The following AK7 variants were observed in gnomAD, a reference collection of about 807,000 sequenced individuals.
AK7 encodes ATP-AMP transphosphorylase 7.
A neutral mutation model predicts 96.6 loss-of-function variants in AK7; 78 were observed. The observed-to-expected ratio is 0.81, with a 90% confidence interval of 0.67 to 0.97. The LOEUF is 0.97. Ranked by LOEUF, AK7 falls within the 50% of genes least tolerant of loss-of-function variation. The pLI, the probability that AK7 is intolerant of heterozygous loss-of-function variation, is 0.00. For synonymous variants in AK7, 302 were observed against 317.2 expected (o/e 0.95, Z 0.51); for missense variants, 855 against 887.9 (o/e 0.96, Z 0.47).
At chr14:96,453,422 G>A (rs140811407) in intron 10 of AK7, among the ~76,000 whole-genome samples, 201 of 152,332 alleles carry the variant, frequency 1.3e-3, no homozygotes, top group African/African-American at 4.7e-3. Context: ...GTCCCTAGGG[G>A]CAGTTAGCCA....
chr14:96,395,837 G>C (rs141389735), intron 1 of AK7, among the ~76,000 whole-genome samples: 272 of 87,738 alleles, frequency 3.1e-3, no homozygotes, highest in African/African-American at 0.012. Context: ...TTTTGAGACA[G>C]AGTCTTGCTC....
rs563398499 is a variant in AK7, at chr14:96,420,846, G to A, written c.523G>A (p.Glu175Lys). 1 of 1,612,942 alleles carries A rather than the reference G, an allele frequency of 6.2e-7. No individual in the cohort carries two copies. Among genetic ancestry groups the A allele is most frequent in the African/African-American group, 1.3e-5 (1 of 74,996 alleles). ...DPEDSEVPFT[E>K]EDYRRRKSHP... ...GGAGGATTCTGAGGTTCCATTCACT[G>A]AAGAAGATTATCGAAGAAGAAAGTC... The change falls in exon 5 of 18, where the codon GAA becomes AAA. Residue 175 changes from glutamate to lysine, a missense_variant. By Grantham distance (56) the Glu-to-Lys change is moderately conservative. Coordinates refer to ENST00000267584, the MANE Select transcript of AK7 (RefSeq NM_152327.5).
At chr14:96,417,858 G>A (rs763819903) in intron 4 of AK7, among the ~76,000 whole-genome samples, 1 of 152,084 alleles carries the variant, frequency 6.6e-6, no homozygotes, top group Non-Finnish European at 1.5e-5. Context: ...GTGATATATC[G>A]AGTTAAAAAT....
intron 12 of AK7, among the ~76,000 whole-genome samples, chr14:96,464,716 C>T (rs1431188605): frequency 2.0e-5 from 3 of 150,948 alleles, no homozygotes; most frequent in Non-Finnish European, 4.4e-5. Flanking sequence ...GTACTATTAT[C>T]TTTAAAGCAA....
At chr14:96,445,695 A>G (rs544179120) in intron 7 of AK7, among the ~76,000 whole-genome samples, 1 of 152,278 alleles carries the variant, frequency 6.6e-6, no homozygotes, top group Non-Finnish European at 1.5e-5. Flanking sequence ...ATAAATATAG[A>G]AAAAAAGAAA....
chr14:96,432,202 CTTT>C (rs71103525), intron 5 of AK7, among the ~76,000 whole-genome samples: 6,158 of 101,218 alleles, frequency 0.061, 354 homozygotes, highest in African/African-American at 0.21. Flanking sequence ...GCAACCCCTG[CTTT>C]TTTTTTTTTT....
chr14:96,419,348 G>A (rs944621091), intron 4 of AK7, among the ~76,000 whole-genome samples: 5 of 152,220 alleles, frequency 3.3e-5, no homozygotes, highest in African/African-American at 1.2e-4. Flanking sequence ...AAAACTACAG[G>A]CTGGGGCGAG....
intron 3 of AK7, among the ~76,000 whole-genome samples, chr14:96,405,326 G>T (rs1235452280): frequency 6.6e-6 from 1 of 152,016 alleles, no homozygotes; most frequent in Admixed American, 6.6e-5. Context: ...GGCACTACAG[G>T]CTTGTGCCAC....
At chr14:96,453,227 G>A (rs1893707694) in intron 10 of AK7, among the ~76,000 whole-genome samples, 1 of 152,178 alleles carries the variant, frequency 6.6e-6, no homozygotes, top group Non-Finnish European at 1.5e-5. Flanking sequence ...AGGTTATCCT[G>A]AGATATACAC....
rs758768203 is a variant in AK7 at position 96,404,793 on chromosome 14, G to T, written c.331G>T (p.Glu111Ter). The change falls in exon 3 of 18, where the codon GAG becomes TAG. Residue 111 changes from glutamate to a stop codon, truncating the protein, a stop_gained. Transcript: ENST00000267584. LOFTEE classifies it high-confidence loss of function. ...SREDLLMRLL[E>*]CDVIIYNITE... Reference sequence around the variant, plus strand: ...AGAAGACCTTCTCATGCGCCTGCTGGAGTGTGATGTTATTATTTATAACAT... The same window carrying T: ...AGAAGACCTTCTCATGCGCCTGCTGTAGTGTGATGTTATTATTTATAACAT... 1.4e-5 allele frequency: 22 copies of T among 1,610,144 alleles called. No individual in the cohort carries two copies.
rs149831663 is a variant in AK7, at chr14:96,471,572, A to G, written c.1452A>G (p.Pro484=). ...AAGGTTATATTTTGGATGGATTCCC[A>G]AAGACCTATGATCAAGCAAAAGACC... ...RNQGYILDGF[P]KTYDQAKDLF... is the part of the protein sequence containing the mutation. Residue 484 remains proline (P), a synonymous_variant, in exon 13 of 18, where the codon CCA becomes CCG. Coordinates refer to ENST00000267584, the MANE Select transcript of AK7 (RefSeq NM_152327.5). The G allele has an allele frequency of 1.2e-3, 1,996 of 1,599,172 alleles. 4 individuals are homozygous for G. Among genetic ancestry groups the G allele is most frequent in the Non-Finnish European group, 1.5e-3 (1,793 of 1,174,522 alleles).
chr14:96,458,107 G>T lies in AK7; in HGVS notation c.1252G>T (p.Val418Leu). ...GGAGGCGATTGTTGCCCCTAACGAT[G>T]TAGGGGAAGGAGAAGAAGAAGTCGA... is the stretch of plus-strand genomic sequence containing the variant. Reference protein sequence around the residue: ...KLEAIVAPNDVGEGEEEVEEE... With the variant: ...KLEAIVAPNDLGEGEEEVEEE... Residue 418 changes from valine (V) to leucine (L), a missense_variant, in exon 12 of 18, where the codon GTA (valine) becomes TTA (leucine). Coordinates refer to ENST00000267584, the MANE Select transcript of AK7 (RefSeq NM_152327.5). The T allele has an allele frequency of 6.2e-7, 1 of 1,613,734 alleles. No individual in the cohort carries two copies. The highest frequency in any genetic ancestry group is 1.7e-5 in the Admixed American group (1 of 60,006).
chr14:96,464,197 C>T (rs1005163095), intron 12 of AK7, among the ~76,000 whole-genome samples: 1 of 151,864 alleles, frequency 6.6e-6, no homozygotes, highest in Admixed American at 6.6e-5. Flanking sequence ...CAGAGTAGGG[C>T]GTCTTCAGAA....
At chr14:96,424,844 C>T (rs1480215058) in intron 5 of AK7, among the ~76,000 whole-genome samples, 3 of 151,908 alleles carry the variant, frequency 2.0e-5, no homozygotes, top group Admixed American at 6.6e-5. Flanking sequence ...TATTGGAACC[C>T]GTGATTTCTT....
chr14:96,406,057 ATTT>A (rs5810770), intron 3 of AK7, among the ~76,000 whole-genome samples: 1 of 146,500 alleles, frequency 6.8e-6, no homozygotes. Flanking sequence ...AAGCAACCTC[ATTT>A]TTTTTTTTTT....
intron 11 of AK7, 52 bp from the exon 12 acceptor site, chr14:96,458,031 T>A (rs1894029321): frequency 1.3e-6 from 2 of 1,595,216 alleles, no homozygotes; most frequent in African/African-American, 2.7e-5. Context: ...GATTTGTGAA[T>A]AGCAAATGGA....
chr14:96,404,874 G>A lies in AK7; in HGVS notation c.403+9G>A. ...CATCTGGGCAGTCTCTGGTCAGTGA[G>A]GTGTACTCTTTTATCTCCAGGGATG... is the stretch of plus-strand genomic sequence containing the variant. On this transcript the variant is annotated intron_variant, in intron 3 of 17. Transcript: ENST00000267584. 6.3e-7 allele frequency: 1 copy of A among 1,586,714 alleles called. No individual in the cohort carries two copies. Among genetic ancestry groups the A allele is most frequent in the Non-Finnish European group, 8.6e-7 (1 of 1,157,670 alleles).
intron 7 of AK7, 45 bp downstream of exon 7, chr14:96,442,863 G>A (rs1419794022): frequency 1.3e-6 from 2 of 1,536,466 alleles, no homozygotes; most frequent in African/African-American, 1.4e-5. Flanking sequence ...ATTGGTTAAT[G>A]TGTTTGTTTG....
chr14:96,393,212 A>G (rs894124186), intron 1 of AK7, among the ~76,000 whole-genome samples: 1 of 152,194 alleles, frequency 6.6e-6, no homozygotes, highest in Non-Finnish European at 1.5e-5. Context: ...CCCTGTGGGT[A>G]GGACCCGTCC....
Sources: allele counts gnomAD v4.1 joint callset (sites outside exome capture counted in the v4.1 genomes callset), GRCh38; gene constraint gnomAD v4.1.1; transcripts MANE v1.5; gene names NCBI Gene and HGNC (gene_info 2026-07-23, HGNC 2026-07-21).